CCDC32: variants seen among roughly 807,000 people sequenced by gnomAD.
CCDC32 encodes the protein coiled-coil domain-containing protein 32.
A neutral mutation model predicts 20.1 loss-of-function variants in CCDC32; 9 were observed. That is an observed-to-expected ratio of 0.45 (90% CI 0.27 to 0.78). The LOEUF (loss-of-function observed/expected upper bound fraction) is 0.78, where lower values mean the gene tolerates loss of function less well. Among genes scored for constraint, CCDC32 ranks in the 30% least tolerant of loss-of-function variants. The pLI, the probability that CCDC32 is intolerant of heterozygous loss-of-function variation, is 0.16. For missense variants in CCDC32, 204 were observed against 215.5 expected, an observed-to-expected ratio of 0.95 and a Z score of 0.33; for synonymous variants, 63 against 79.0, an observed-to-expected ratio of 0.80 and a Z score of 1.07.
intron 3 of CCDC32, among the ~76,000 whole-genome samples, chr15:40,541,980 C>G (rs1889413949): frequency 6.6e-6 from 1 of 152,202 alleles, no homozygotes; most frequent in African/African-American, 2.4e-5. Context: ...AGCTCTCCCT[C>G]CCAAATGCTG....
Position 40,553,952 on chromosome 15 carries a change from G to C in CCDC32, c.*19C>G. 1 of 992,604 alleles carries C rather than the reference G, an allele frequency of 1.0e-6. No homozygotes were observed. The highest frequency in any genetic ancestry group is 1.4e-6 in the Non-Finnish European group (1 of 709,298). 61.5% of individuals were successfully genotyped at this position (992,604 alleles called of 1,614,324 possible). Reference sequence around the variant, plus strand: ...TGTGTGTGTGTGTGTGTGTGTGTGTGTGTGTGTGTGTGTGTAATTTACTGT... The same window carrying C: ...TGTGTGTGTGTGTGTGTGTGTGTGTCTGTGTGTGTGTGTGTAATTTACTGT... On this transcript the variant is annotated 3_prime_UTR_variant, in exon 4 of 4. Coordinates refer to ENST00000416810, the MANE Select transcript of CCDC32 (RefSeq NM_001080792.4).
downstream of CCDC32, chr15:40,539,064 C>G: frequency 1.6e-6 from 1 of 610,696 alleles, no homozygotes. Flanking sequence ...CGCCAGCTGT[C>G]CCACTTCTCA....
intron 3 of CCDC32, among the ~76,000 whole-genome samples, chr15:40,555,524 T>C (rs976490885): frequency 6.6e-6 from 1 of 152,194 alleles, no homozygotes; most frequent in Non-Finnish European, 1.5e-5. Flanking sequence ...AAATCTCCTA[T>C]GTTTGGAGCA....
chr15:40,531,999 T>A (rs1401598897), downstream of CCDC32: 1 of 287,096 alleles, frequency 3.5e-6, no homozygotes, highest in Non-Finnish European at 6.4e-6. Context: ...AACCTCAATA[T>A]CATCTGTCTT....
downstream of CCDC32, among the ~76,000 whole-genome samples, chr15:40,525,142 C>T (rs1359902966): frequency 6.6e-6 from 1 of 152,018 alleles, no homozygotes; most frequent in African/African-American, 2.4e-5. Context: ...GCAATTCTGC[C>T]TCAGCCTCCA....
downstream of CCDC32, chr15:40,531,582 G>A (rs1471900115): frequency 6.6e-6 from 1 of 152,098 alleles, no homozygotes; most frequent in East Asian, 1.9e-4. Context: ...ACTAGCGCAA[G>A]ATTGGGTTTA....
rs117352613 is a variant in CCDC32 at position 40,529,061 on chromosome 15, G to A, written c.402-271C>T. On this transcript the variant is annotated intron_variant, in intron 3 of 3. Coordinates refer to the CCDC32 transcript ENST00000560305. ...CAGCTCAGCTGGACAGGCTTCCAGG[G>A]TCACAGAAACCTCTGTGGACCCACA... Among the ~76,000 whole-genome samples, 375 of 152,312 alleles carry A rather than the reference G, an allele frequency of 2.5e-3. 2 individuals are homozygous for A. The East Asian group carries it at 0.026, about 10-fold the overall frequency.
downstream of CCDC32, among the ~76,000 whole-genome samples, chr15:40,533,794 C>G (rs907237425): frequency 1.3e-5 from 2 of 151,964 alleles, no homozygotes; most frequent in African/African-American, 4.8e-5. Flanking sequence ...GGAGTGTTTT[C>G]ATTTGAAATA....
intron 3 of CCDC32, among the ~76,000 whole-genome samples, chr15:40,542,611 G>A (rs1022188233): frequency 6.6e-6 from 1 of 152,194 alleles, no homozygotes; most frequent in Non-Finnish European, 1.5e-5. Flanking sequence ...GCTCATGCCT[G>A]TAATCCCAGC....
Position 40,562,854 on chromosome 15 carries a change from C to T in CCDC32, c.162G>A (p.Arg54=), listed in dbSNP as rs1398932585. The T allele has an allele frequency of 6.2e-7, 1 of 1,614,236 alleles. No individual in the cohort carries two copies. The highest frequency in any genetic ancestry group is 1.1e-5 in the South Asian group (1 of 91,090). ...GCTGGACAGCAAAGTCAGCCACCTCCCTCTGGCCTTCACCTTCAGGGCAAG... is the reference window on the plus strand; with the variant it reads ...GCTGGACAGCAAAGTCAGCCACCTCTCTCTGGCCTTCACCTTCAGGGCAAG... ...VDSCPEGEGQ[R]EVADFAVQPA... The change falls in exon 2 of 4, where the codon AGG becomes AGA. Residue 54 remains arginine, a synonymous_variant. Transcript: ENST00000416810.
chr15:40,532,821 A>G (rs1017902346), downstream of CCDC32, among the ~76,000 whole-genome samples: 6 of 143,334 alleles, frequency 4.2e-5, no homozygotes, highest in Admixed American at 3.8e-4. Flanking sequence ...TCCCGGGTTC[A>G]GTTGATCCTC....
chr15:40,530,383 T>C (rs1326074350), downstream of CCDC32, among the ~76,000 whole-genome samples: 1 of 150,354 alleles, frequency 6.7e-6, no homozygotes, highest in Admixed American at 6.7e-5. Context: ...CATGAATGGC[T>C]TGGTACTGTC....
chr15:40,521,176 C>T, the CCDC32 span, among the ~76,000 whole-genome samples: 1 of 152,200 alleles, frequency 6.6e-6, no homozygotes, highest in African/African-American at 2.4e-5. Context: ...CAGTTCAAAC[C>T]TGTGTTGTTC....
At chr15:40,524,190 C>T (rs1167023934), downstream of CCDC32, among the ~76,000 whole-genome samples, 1 of 115,852 alleles carries the variant, frequency 8.6e-6, no homozygotes, top group Non-Finnish European at 1.6e-5. Flanking sequence ...GGGAGTCTGG[C>T]TCTGTCGCCC....
downstream of CCDC32, among the ~76,000 whole-genome samples, chr15:40,528,034 T>TA (rs1240384108): frequency 6.6e-6 from 1 of 152,172 alleles, no homozygotes; most frequent in African/African-American, 2.4e-5. Flanking sequence ...ATTTGATAGA[T>TA]AAAAATGGGC....
At chr15:40,547,806 T>C (rs1889682987) in intron 3 of CCDC32, among the ~76,000 whole-genome samples, 1 of 152,202 alleles carries the variant, frequency 6.6e-6, no homozygotes, top group Non-Finnish European at 1.5e-5. Context: ...TCTGCATGCA[T>C]GCATCACCAA....
At chr15:40,541,399 C>G (rs868635584) in intron 3 of CCDC32, among the ~76,000 whole-genome samples, 12 of 151,258 alleles carry the variant, frequency 7.9e-5, no homozygotes, top group African/African-American at 9.7e-5. Context: ...GTGGCTCCAT[C>G]TCGGCTCACT....
At chr15:40,531,547 G>A (rs1888878467), downstream of CCDC32, 1 of 152,060 alleles carries the variant, frequency 6.6e-6, no homozygotes, top group Non-Finnish European at 1.5e-5. Context: ...GCATTTTTAG[G>A]TAAATTAATC....
chr15:40,527,750 T>C (rs141344272), downstream of CCDC32, among the ~76,000 whole-genome samples: 330 of 152,358 alleles, frequency 2.2e-3, 2 homozygotes, highest in Non-Finnish European at 3.7e-3. Context: ...CATGTGGTGC[T>C]GTGCTCTGCC....
Sources: allele counts gnomAD v4.1 joint callset (sites outside exome capture counted in the v4.1 genomes callset), GRCh38; gene constraint gnomAD v4.1.1; transcripts MANE v1.5; gene names NCBI Gene and HGNC (gene_info 2026-07-23, HGNC 2026-07-21).